The following PSMD1 variants were observed in gnomAD, a reference collection of about 807,000 sequenced individuals.
PSMD1 encodes the protein 26S proteasome non-ATPase regulatory subunit 1.
PSMD1 carries 18 observed loss-of-function variants against 119.0 expected under a neutral mutation model. The observed-to-expected ratio is 0.15, with a 90% confidence interval of 0.10 to 0.22. PSMD1 has a LOEUF of 0.22. Among genes scored for constraint, PSMD1 ranks in the 10% least tolerant of loss-of-function variants. The pLI, the probability that PSMD1 is intolerant of heterozygous loss-of-function variation, is 1.00. For missense variants in PSMD1, 702 were observed against 1,158.5 expected, an observed-to-expected ratio of 0.61 and a Z score of 5.72; for synonymous variants, 374 against 396.6, an observed-to-expected ratio of 0.94 and a Z score of 0.68.
intron 17 of PSMD1, among the ~76,000 whole-genome samples, chr2:231,142,877 G>GTT (rs1355725655): frequency 6.6e-6 from 1 of 152,052 alleles, no homozygotes; most frequent in Non-Finnish European, 1.5e-5. Flanking sequence ...TCTGCTGTGT[G>GTT]TATTATCTGT....
intron 22 of PSMD1, 48 bp from the exon 23 acceptor site, chr2:231,165,823 G>A: frequency 6.9e-7 from 1 of 1,442,412 alleles, no homozygotes; most frequent in Non-Finnish European, 9.4e-7. Context: ...CAGTTCTGTG[G>A]AACAGAAATG....
intron 16 of PSMD1, among the ~76,000 whole-genome samples, chr2:231,089,201 G>A (rs1403835764): frequency 1.3e-5 from 2 of 152,218 alleles, no homozygotes; most frequent in Admixed American, 6.5e-5. Flanking sequence ...ACATGGAGGT[G>A]CAAGGAGAGG....
chr2:231,147,203 C>A (rs1696271567), intron 18 of PSMD1, among the ~76,000 whole-genome samples: 1 of 152,144 alleles, frequency 6.6e-6, no homozygotes. Context: ...TTTTAAAATT[C>A]TCTGATGAGC....
At chr2:231,068,169 G>C (rs567255621) in intron 5 of PSMD1, among the ~76,000 whole-genome samples, 1 of 152,152 alleles carries the variant, frequency 6.6e-6, no homozygotes, top group African/African-American at 2.4e-5. Context: ...GTTAATAGCT[G>C]TCTTTCCCAC....
intron 16 of PSMD1, among the ~76,000 whole-genome samples, chr2:231,125,952 T>TA (rs1695708845): frequency 6.6e-6 from 1 of 152,274 alleles, no homozygotes; most frequent in African/African-American, 2.4e-5. Flanking sequence ...ATTTTAGCTC[T>TA]GCTGAGCACT....
intron 7 of PSMD1, among the ~76,000 whole-genome samples, chr2:231,073,406 A>G (rs545992519): frequency 6.6e-5 from 10 of 152,316 alleles, no homozygotes; most frequent in Middle Eastern, 3.4e-3. Context: ...TCTTTATATC[A>G]CTACCTCTTT....
intron 4 of PSMD1, among the ~76,000 whole-genome samples, chr2:231,065,361 C>T (rs1445755742): frequency 6.6e-6 from 1 of 151,362 alleles, no homozygotes; most frequent in African/African-American, 2.4e-5. Flanking sequence ...GGCGCGATCT[C>T]GGCTCACTGG....
chr2:231,061,158 T>G, intron 1 of PSMD1, 109 bp from the exon 2 acceptor site: 1 of 713,800 alleles, frequency 1.4e-6, no homozygotes, highest in Non-Finnish European at 2.4e-6. Context: ...CTGGAGAAGT[T>G]ACGCCTCAAA....
rs568451050 is a variant in PSMD1, at chr2:231,108,785, C to T, written c.1883+21604C>T. ...GGCCCGGTAATTGCAGGTGATATAT[C>T]GGCCAAATGCATCCCGAAATGTCTT... On this transcript the variant is annotated intron_variant, in intron 16 of 24. Transcript: ENST00000308696. The T allele has an allele frequency of 1.2e-4, 196 of 1,614,048 alleles. 3 individuals are homozygous for T. The South Asian group carries it at 1.7e-3, about 14-fold the overall frequency.
At chr2:231,123,746 C>G in intron 16 of PSMD1, 1 of 1,613,804 alleles carries the variant, frequency 6.2e-7, no homozygotes. Flanking sequence ...AGTTCAGACA[C>G]TCTGTAAGAG....
At chr2:231,162,708 T>A (rs138386499) in intron 20 of PSMD1, among the ~76,000 whole-genome samples, 1 of 151,964 alleles carries the variant, frequency 6.6e-6, no homozygotes, top group Non-Finnish European at 1.5e-5. Flanking sequence ...ACATCTGTAG[T>A]CCCAGCTGCT....
Position 231,080,123 on chromosome 2 carries a change from T to C in PSMD1, c.1240-18T>C, listed in dbSNP as rs775941593. ...TACTTTCTCTTTTTGATGTCTTTGT[T>C]ATGACTTACCTTTACAGGGTCATGA... On this transcript the variant is annotated intron_variant, in intron 11 of 24. Coordinates refer to ENST00000308696, the MANE Select transcript of PSMD1 (RefSeq NM_002807.4). The C allele has an allele frequency of 6.3e-7, 1 of 1,583,082 alleles. No individual in the cohort carries two copies. The highest frequency in any genetic ancestry group is 1.2e-5 in the South Asian group (1 of 85,834).
intron 20 of PSMD1, 40 bp downstream of exon 20, chr2:231,161,549 C>G (rs1242810123): frequency 1.3e-6 from 2 of 1,549,584 alleles, no homozygotes; most frequent in Admixed American, 3.7e-5. Context: ...ATTTCCTGTT[C>G]ACCGTATCTT....
intron 16 of PSMD1, among the ~76,000 whole-genome samples, chr2:231,119,381 C>A (rs1362886567): frequency 6.6e-6 from 1 of 152,100 alleles, no homozygotes; most frequent in African/African-American, 2.4e-5. Flanking sequence ...CCCTGCTTGA[C>A]AAGGTGATTG....
Position 231,082,920 on chromosome 2 carries a change from C to T in PSMD1, c.1451C>T (p.Ala484Val). The change falls in exon 13 of 25, where the codon GCA (alanine) becomes GTA (valine). Residue 484 changes from alanine (A) to valine (V), a missense_variant. Around this residue, in one of 9 missense-constraint regions of PSMD1, gnomAD observed 272 missense variants for 511.6 expected, o/e 0.53. Coordinates refer to ENST00000308696, the MANE Select transcript of PSMD1 (RefSeq NM_002807.4). The stretch of plus-strand genomic sequence containing the variant: ...GGTGGCAGTCTGGGCCTTGGTTTGG[C>T]AGCCATGGGAACTGCACGTCAAGAT... ...RHGGSLGLGLAAMGTARQDVY... is the reference protein window; with the variant it reads ...RHGGSLGLGLVAMGTARQDVY... 1 of 1,614,038 alleles carries T rather than the reference C, an allele frequency of 6.2e-7. No individual in the cohort carries two copies. Among genetic ancestry groups the T allele is most frequent in the Admixed American group, 1.7e-5 (1 of 60,020 alleles).
In PSMD1 at chr2:231,170,670, A is replaced by G. The variant is rs755645402; in HGVS notation, c.2820A>G (p.Gln940=). The G allele has an allele frequency of 2.5e-6, 4 of 1,614,126 alleles. No homozygotes were observed. The highest frequency in any genetic ancestry group is 2.2e-5 in the South Asian group (2 of 91,068). The change falls in exon 24 of 25, where the codon CAA becomes CAG. Residue 940 remains glutamine, a synonymous_variant. Transcript: ENST00000308696. This position sits in a 1 kb window ranked among gnomAD's most constrained non-coding sequence, Gnocchi z 4.1. Reference sequence around the variant, plus strand: ...GCCCAAAAATCGAGGAGGAGGAACAAGAGCCAGAACCCCCAGAACCATTTG... The same window carrying G: ...GCCCAAAAATCGAGGAGGAGGAACAGGAGCCAGAACCCCCAGAACCATTTG... The part of the protein sequence containing the change: ...AHGPKIEEEE[Q]EPEPPEPFEY...
At chr2:231,099,592 T>A (rs1400161543) in intron 16 of PSMD1, among the ~76,000 whole-genome samples, 1 of 152,210 alleles carries the variant, frequency 6.6e-6, no homozygotes, top group Non-Finnish European at 1.5e-5. Context: ...CTTGGGGTAT[T>A]TCCCATCTTG....
rs1158672026 is a variant in PSMD1, at chr2:231,072,245, A to G, written c.711A>G (p.Val237=). The G allele has an allele frequency of 6.2e-7, 1 of 1,613,840 alleles. No individual in the cohort carries two copies. The highest frequency in any genetic ancestry group is 8.5e-7 in the Non-Finnish European group (1 of 1,179,856). ...TGAGTGATATCTTAGAGAAACTGGT[A>G]AAGGAAGACAACCTCCTGATGGCAT... is the stretch of plus-strand genomic sequence containing the variant. ...QAVSDILEKL[V]KEDNLLMAYQ... The change falls in exon 7 of 25, where the codon GTA becomes GTG. Residue 237 remains valine (V), a synonymous_variant. Coordinates refer to ENST00000308696, the MANE Select transcript of PSMD1 (RefSeq NM_002807.4).
chr2:231,134,080 A>G (rs1315287956), intron 16 of PSMD1, among the ~76,000 whole-genome samples: 2 of 152,180 alleles, frequency 1.3e-5, no homozygotes, highest in East Asian at 3.8e-4. Context: ...TTTTTTCATT[A>G]AAAATTGAAT....
Sources: allele counts gnomAD v4.1 joint callset (sites outside exome capture counted in the v4.1 genomes callset), GRCh38; gene constraint gnomAD v4.1.1; regional missense constraint gnomAD v4.1.1; non-coding constraint Gnocchi (gnomAD v3.1); transcripts MANE v1.5; gene names NCBI Gene and HGNC (gene_info 2026-07-23, HGNC 2026-07-21).